Variants in SLC22A25 observed in about 807,000 individuals in gnomAD.
SLC22A25 encodes the protein MGI:2442751, MGI:2385316, MGI:3042283, MGI:3645714, MGI:3605624, MGI:2442750.
SLC22A25 carries 44 observed loss-of-function variants against 45.9 expected under a neutral mutation model. That is an observed-to-expected ratio of 0.96 (90% CI 0.75 to 1.23). SLC22A25 has a LOEUF of 1.23. Among genes scored for constraint, SLC22A25 ranks in the 50% most tolerant of loss-of-function variants. The probability of loss-of-function intolerance (pLI) is 0.00; values close to 1 mark genes in which losing one functional copy is unlikely to be tolerated. For synonymous variants in SLC22A25, 283 were observed against 238.6 expected, an observed-to-expected ratio of 1.19 and a Z score of -1.72; for missense variants, 800 against 666.4, an observed-to-expected ratio of 1.20 and a Z score of -2.21.
At chr11:63,193,284 G>A (rs2088879537) in intron 7 of SLC22A25, among the ~76,000 whole-genome samples, 1 of 152,190 alleles carries the variant, frequency 6.6e-6, no homozygotes, top group African/African-American at 2.4e-5. Flanking sequence ...TAAGAGAGCA[G>A]TGGTCCTCCT....
At chr11:63,173,208 G>A (rs1213567647) in intron 9 of SLC22A25, among the ~76,000 whole-genome samples, 1 of 151,356 alleles carries the variant, frequency 6.6e-6, no homozygotes. Context: ...TCACACACTG[G>A]GGCCTGTTGG....
At chr11:63,188,801 G>A (rs1273863393) in intron 7 of SLC22A25, among the ~76,000 whole-genome samples, 8 of 152,130 alleles carry the variant, frequency 5.3e-5, no homozygotes, top group Non-Finnish European at 1.5e-5. Flanking sequence ...GTTTTGTTAT[G>A]TACTCAGTAG....
intron 7 of SLC22A25, among the ~76,000 whole-genome samples, chr11:63,194,889 GCAAAAAAAAAAAAAAAAAAAAAA>G (rs2088953447): frequency 7.0e-5 from 1 of 14,288 alleles, no homozygotes; most frequent in Non-Finnish European, 1.4e-4. Flanking sequence ...CAAATGGAAA[GCAAAAAAAAAAAAAAAAAAAAAA>G]AAAAAAAAAA....
At chr11:63,175,240 A>G (rs1005466884) in intron 9 of SLC22A25, among the ~76,000 whole-genome samples, 2 of 152,038 alleles carry the variant, frequency 1.3e-5, no homozygotes, top group South Asian at 2.1e-4. Context: ...AATGGTTCCA[A>G]TTTTTCCACA....
chr11:63,229,120 G>A (rs1426930792), intron 4 of SLC22A25, 131 bp downstream of exon 4: 12 of 938,706 alleles, frequency 1.3e-5, no homozygotes, highest in Non-Finnish European at 1.7e-5. Flanking sequence ...CAGTAGAGAA[G>A]CAATTAATGT....
chr11:63,216,783 C>G (rs1452989444), intron 7 of SLC22A25, among the ~76,000 whole-genome samples: 1 of 152,068 alleles, frequency 6.6e-6, no homozygotes, highest in African/African-American at 2.4e-5. Context: ...GCCTATGTAA[C>G]AAGCCTGCAC....
intron 9 of SLC22A25, chr11:63,166,606 A>C (rs553921807): frequency 2.9e-6 from 3 of 1,027,750 alleles, no homozygotes; most frequent in African/African-American, 1.7e-5. Context: ...GAAAATATAC[A>C]ATTAAAAATA....
intron 10 of SLC22A25, among the ~76,000 whole-genome samples, chr11:63,165,346 C>T (rs1250460058): frequency 6.6e-6 from 1 of 152,200 alleles, no homozygotes. Flanking sequence ...GCACACCAAC[C>T]TGGTATTCTC....
chr11:63,177,234 A>T (rs898044990), intron 9 of SLC22A25, among the ~76,000 whole-genome samples: 3 of 151,978 alleles, frequency 2.0e-5, no homozygotes, highest in Non-Finnish European at 2.9e-5. Context: ...ATGTTTATGG[A>T]TACATGATAA....
In SLC22A25 at chr11:63,161,071, C is replaced by CA. The variant is rs2087529263; in HGVS notation, c.*2752dup. 6.6e-6 allele frequency among the ~76,000 whole-genome samples: 1 copy of CA among 152,196 alleles called. No homozygotes were observed. The highest frequency in any genetic ancestry group is 1.5e-5 in the Non-Finnish European group (1 of 68,040). ...ATAAAGAAAAAAGGTTTAATGGACT[C>CA]ACAGCTCCATGTGGCTGGTGAGGCC... On this transcript the variant is annotated 3_prime_UTR_variant, in exon 12 of 12. Transcript: ENST00000306494.
At position 63,229,257 on chromosome 11, in the gene SLC22A25, C is replaced by G. The variant is rs2090022481; in HGVS notation, c.396G>C (p.Val132=). Residue 132 remains valine, a synonymous_variant, in exon 4 of 12, where the codon GTG becomes GTC. Coordinates refer to ENST00000306494, the MANE Select transcript of SLC22A25 (RefSeq NM_199352.6). ...YDQSSFPSTI[V]TKWDLVCESQ... ...GGAAAATGAGGCCTCTTACCTTAGT[C>G]ACAATGGTGGAAGGGAAGGAGCTTT... 2.0e-6 allele frequency: 3 copies of G among 1,527,862 alleles called. No homozygotes were observed. Among genetic ancestry groups the G allele is most frequent in the Non-Finnish European group, 2.6e-6 (3 of 1,135,314 alleles). 94.6% of individuals were successfully genotyped at this position (1,527,862 alleles called of 1,614,324 possible). A position where few individuals can be genotyped will look rare whatever the true frequency, so the allele number is the denominator to read the frequency against.
At chr11:63,236,599 G>T (rs572575005) in intron 3 of SLC22A25, among the ~76,000 whole-genome samples, 3 of 152,104 alleles carry the variant, frequency 2.0e-5, no homozygotes, top group African/African-American at 7.2e-5. Context: ...CCTGGGTGAG[G>T]TGATGCCTCA....
At chr11:63,198,667 T>C (rs933842913) in intron 7 of SLC22A25, among the ~76,000 whole-genome samples, 1 of 152,068 alleles carries the variant, frequency 6.6e-6, no homozygotes, top group Non-Finnish European at 1.5e-5. Context: ...TGTATACATA[T>C]GAAACAAATC....
In SLC22A25 at chr11:63,183,716, G is replaced by A. The variant is rs745925417; in HGVS notation, c.932C>T (p.Ala311Val). The A allele has an allele frequency of 2.2e-5, 35 of 1,612,980 alleles. No homozygotes were observed. In the South Asian group the frequency reaches 2.7e-4, roughly 13 times the overall value. The change falls in exon 8 of 12, where the codon GCT becomes GTT. Residue 311 changes from alanine to valine, a missense_variant. Physicochemically the swap from Ala to Val is moderately conservative, Grantham distance 64. Transcript: ENST00000306494. Reference protein sequence around the residue: ...KAAHRNGMKNAEDILTMEVLK... With the variant: ...KAAHRNGMKNVEDILTMEVLK... The stretch of plus-strand genomic sequence containing the variant: ...TACCTCCATGGTTAGGATGTCTTCA[G>A]CATTCTTCATTCCATTCCTGTGTGC...
At chr11:63,209,963 G>T (rs1435972870) in intron 7 of SLC22A25, among the ~76,000 whole-genome samples, 1 of 152,208 alleles carries the variant, frequency 6.6e-6, no homozygotes, top group Non-Finnish European at 1.5e-5. Context: ...TGGAATGGCT[G>T]CAGCTATATA....
chr11:63,181,997 G>A (rs2088343798), intron 8 of SLC22A25, among the ~76,000 whole-genome samples: 1 of 152,072 alleles, frequency 6.6e-6, no homozygotes, highest in Admixed American at 6.6e-5. Flanking sequence ...AAATTAGACT[G>A]ATCAACGGAT....
chr11:63,235,420 C>A (rs2090146412), intron 3 of SLC22A25, among the ~76,000 whole-genome samples: 1 of 152,220 alleles, frequency 6.6e-6, no homozygotes, highest in Non-Finnish European at 1.5e-5. Flanking sequence ...CATACCCTTT[C>A]TTCCAGTTGA....
intron 9 of SLC22A25, chr11:63,167,808 A>G: frequency 5.4e-6 from 1 of 185,054 alleles, no homozygotes; most frequent in Non-Finnish European, 1.2e-5. Context: ...ACAGTGCTTG[A>G]GCTCTGCTAA....
chr11:63,204,249 ACTAATGGGCAAAATAACCAG>A (rs1300505603), intron 7 of SLC22A25, among the ~76,000 whole-genome samples: 3 of 152,246 alleles, frequency 2.0e-5, no homozygotes, highest in Non-Finnish European at 4.4e-5. Flanking sequence ...AACGGCATCA[ACTAATGGGCAAAATAACCAG>A]CTAGCATCAT....
Sources: gnomAD v4.1 joint callset for allele counts (sites outside exome capture counted in the v4.1 genomes callset) on GRCh38, gnomAD v4.1.1 for gene constraint, MANE v1.5 for transcripts, NCBI Gene and HGNC (gene_info 2026-07-23, HGNC 2026-07-21) for gene names.